The following MEGF10 variants were observed in gnomAD, a reference collection of about 807,000 sequenced individuals.
The protein encoded by MEGF10 is multiple epidermal growth factor-like domains protein 10.
MEGF10 carries 86 observed loss-of-function variants against 147.5 expected under a neutral mutation model. The observed-to-expected ratio is 0.58, with a 90% CI of 0.49 to 0.70. The LOEUF is 0.70. Ranked by LOEUF, MEGF10 falls within the 30% of genes least tolerant of loss-of-function variation. MEGF10 has a pLI of 0.00. For missense variants in MEGF10, 1,329 were observed against 1,487.3 expected, an observed-to-expected ratio of 0.89 and a Z score of 1.75; for synonymous variants, 478 against 525.5, an observed-to-expected ratio of 0.91 and a Z score of 1.24.
At chr5:127,242,394 T>C in the MEGF10 span, among the ~76,000 whole-genome samples, 1 of 152,168 alleles carries the variant, frequency 6.6e-6, no homozygotes, top group Admixed American at 6.5e-5. Flanking sequence ...TTTTAAGAGG[T>C]ATATATAATG....
At chr5:127,408,234 GC>G (rs1764410355) in intron 8 of MEGF10, among the ~76,000 whole-genome samples, 1 of 152,178 alleles carries the variant, frequency 6.6e-6, no homozygotes, top group African/African-American at 2.4e-5. Context: ...TTAAAGCTGT[GC>G]TTTTTACCAA....
rs191645922 is a variant in MEGF10 at position 127,333,085 on chromosome 5, G to T, written c.116+1661G>T. Among the ~76,000 whole-genome samples, 58 of 152,282 alleles carry T rather than the reference G, an allele frequency of 3.8e-4. 2 individuals carry two copies. Among genetic ancestry groups the T allele is most frequent in the Admixed American group, 7.9e-4 (12 of 15,286 alleles). ...ATTTGATTTGAAAGGGAAGGGGTTA[G>T]TGTGGGTTTGCCATGTTGTGTTTAT... On this transcript the variant is annotated intron_variant, in intron 2 of 24. Transcript: ENST00000503335.
chr5:127,307,698 T>C (rs1436834578), intron 1 of MEGF10, among the ~76,000 whole-genome samples: 2 of 152,220 alleles, frequency 1.3e-5, no homozygotes, highest in African/African-American at 4.8e-5. Flanking sequence ...GATATTTTCT[T>C]CCAACCCACC....
intron 5 of MEGF10, among the ~76,000 whole-genome samples, chr5:127,374,620 G>A (rs537147197): frequency 6.6e-6 from 1 of 152,064 alleles, no homozygotes; most frequent in Admixed American, 6.5e-5. Flanking sequence ...ACATTCATTG[G>A]ATTCATTGCT....
chr5:127,412,031 A>G (rs1764589281), intron 9 of MEGF10, among the ~76,000 whole-genome samples: 2 of 152,244 alleles, frequency 1.3e-5, no homozygotes, highest in South Asian at 4.1e-4. Context: ...TGGATACCAT[A>G]TTAGTAGTGG....
At chr5:127,442,543 G>A (rs188863906) in intron 18 of MEGF10, among the ~76,000 whole-genome samples, 1 of 152,256 alleles carries the variant, frequency 6.6e-6, no homozygotes, top group East Asian at 1.9e-4. Context: ...TAATTCAATT[G>A]AGAATGTGCG....
chr5:127,311,017 C>G (rs1053426481), intron 1 of MEGF10, among the ~76,000 whole-genome samples: 1 of 152,196 alleles, frequency 6.6e-6, no homozygotes, highest in African/African-American at 2.4e-5. Context: ...ACATAATATT[C>G]CATGCCTGAA....
chr5:127,391,102 G>GCGCACACACACACACA (rs1426600414), intron 5 of MEGF10, among the ~76,000 whole-genome samples: 2 of 53,894 alleles, frequency 3.7e-5, no homozygotes, highest in African/African-American at 1.0e-4. Context: ...GCGCGCGCGC[G>GCGCACACACACACACA]CACACACACA....
At chr5:127,306,953 A>G (rs1450299312) in intron 1 of MEGF10, among the ~76,000 whole-genome samples, 2 of 152,144 alleles carry the variant, frequency 1.3e-5, no homozygotes, top group Non-Finnish European at 2.9e-5. Flanking sequence ...TAATTTTTTT[A>G]ATGTTTTCTA....
chr5:127,275,002 A>G, the MEGF10 span, among the ~76,000 whole-genome samples: 1 of 152,210 alleles, frequency 6.6e-6, no homozygotes, highest in South Asian at 2.1e-4. Flanking sequence ...CTAAGAAATA[A>G]CTGAAGGAAA....
the MEGF10 span, among the ~76,000 whole-genome samples, chr5:127,239,933 C>G: frequency 6.6e-6 from 1 of 152,146 alleles, no homozygotes; most frequent in East Asian, 1.9e-4. Context: ...ACTATTTTCC[C>G]TTGCCTGGAC....
At chr5:127,359,419 T>A (rs184778776) in intron 4 of MEGF10, among the ~76,000 whole-genome samples, 79 of 152,148 alleles carry the variant, frequency 5.2e-4, no homozygotes, top group African/African-American at 1.7e-3. Flanking sequence ...TTTTAAAAGG[T>A]ACAATTTGAT....
the MEGF10 span, among the ~76,000 whole-genome samples, chr5:127,278,909 GGGT>G: frequency 2.6e-5 from 4 of 152,178 alleles, no homozygotes; most frequent in East Asian, 7.7e-4. Flanking sequence ...TTGGGTTGCT[GGGT>G]AGTGCCAAGG....
chr5:127,230,356 G>A, the MEGF10 span, among the ~76,000 whole-genome samples: 5 of 152,074 alleles, frequency 3.3e-5, no homozygotes, highest in East Asian at 9.7e-4. Context: ...TTGAAACCCC[G>A]GTGTCCCCAG....
chr5:127,284,382 T>G, the MEGF10 span, among the ~76,000 whole-genome samples: 2,519 of 152,210 alleles, frequency 0.017, 40 homozygotes, highest in Non-Finnish European at 0.021. Context: ...CCTGAACACT[T>G]TTTTTTCAGT....
the MEGF10 span, among the ~76,000 whole-genome samples, chr5:127,247,348 A>G: frequency 0.46 from 6,347 of 13,796 alleles, 688 homozygotes; most frequent in Admixed American, 0.51. Context: ...GAAGAAGAAG[A>G]AGAAGAAGAA....
chr5:127,431,946 A>G (rs1041603485), intron 13 of MEGF10, among the ~76,000 whole-genome samples: 1 of 152,156 alleles, frequency 6.6e-6, no homozygotes, highest in Non-Finnish European at 1.5e-5. Context: ...AGATTTTCAA[A>G]AGAGATTTGA....
At chr5:127,415,805 A>G (rs986563190) in intron 9 of MEGF10, among the ~76,000 whole-genome samples, 3 of 148,332 alleles carry the variant, frequency 2.0e-5, no homozygotes, top group Non-Finnish European at 3.0e-5. Flanking sequence ...CGGGAGGCTG[A>G]GGCAGAAGAA....
chr5:127,246,591 C>CTTAAAGTAATTCATTTAA, the MEGF10 span, among the ~76,000 whole-genome samples: 6 of 150,144 alleles, frequency 4.0e-5, no homozygotes, highest in African/African-American at 1.5e-4. Context: ...TATCCCAGAA[C>CTTAAAGTAATTCATTTAA]TTAAAGTATA....
Sources: allele counts gnomAD v4.1 joint callset (sites outside exome capture counted in the v4.1 genomes callset), GRCh38; gene constraint gnomAD v4.1.1; transcripts MANE v1.5; gene names NCBI Gene and HGNC (gene_info 2026-07-23, HGNC 2026-07-21).